Variants in ZNF600 observed in about 807,000 individuals in gnomAD.
The protein encoded by ZNF600 is zinc finger protein KR-ZNF1.
Under a neutral mutation model 7.3 loss-of-function variants are expected in ZNF600, and 4 were observed. The observed-to-expected ratio is 0.55, with a 90% CI of 0.27 to 1.25. The LOEUF (loss-of-function observed/expected upper bound fraction) is 1.25, where lower values mean the gene tolerates loss of function less well. ZNF600 is among the 50% of genes most tolerant of loss of function. The pLI is 0.12. For missense variants in ZNF600, 911 were observed against 922.1 expected, an observed-to-expected ratio of 0.99 and a Z score of 0.16; for synonymous variants, 290 against 308.9, an observed-to-expected ratio of 0.94 and a Z score of 0.64.
chr19:52,814,625 G>A, the ZNF600 span, among the ~76,000 whole-genome samples: 1 of 144,814 alleles, frequency 6.9e-6, no homozygotes, highest in Non-Finnish European at 1.5e-5. Flanking sequence ...GGTGGCTCAC[G>A]CCTGTGATTT....
upstream of ZNF600, among the ~76,000 whole-genome samples, chr19:52,788,044 T>C (rs10405790): frequency 3.9e-3 from 587 of 152,138 alleles, 4 homozygotes; most frequent in African/African-American, 0.013. Flanking sequence ...CCCTGAACAA[T>C]CCCTGCTGCC....
intron 1 of ZNF600, chr19:52,781,398 G>A (rs2062720248): frequency 6.6e-6 from 1 of 152,104 alleles, no homozygotes; most frequent in African/African-American, 2.4e-5. Flanking sequence ...GAGGTGAGGA[G>A]GAAGGACGTG....
the ZNF600 span, among the ~76,000 whole-genome samples, chr19:52,828,078 G>A: frequency 6.6e-6 from 1 of 151,916 alleles, no homozygotes; most frequent in African/African-American, 2.4e-5. Flanking sequence ...TTGAGACAAA[G>A]TCTTGCTCTG....
At chr19:52,822,370 CCCAGGAAATACTCTTTA>C in the ZNF600 span, among the ~76,000 whole-genome samples, 1 of 151,992 alleles carries the variant, frequency 6.6e-6, no homozygotes, top group Non-Finnish European at 1.5e-5. Context: ...CTGTGCCTGG[CCCAGGAAATACTCTTTA>C]CTTTGCTTTT....
At chr19:52,816,492 G>A in the ZNF600 span, among the ~76,000 whole-genome samples, 8 of 145,164 alleles carry the variant, frequency 5.5e-5, no homozygotes, top group East Asian at 1.4e-3. Flanking sequence ...GTGAAACCCC[G>A]TCTCTACTAA....
At chr19:52,767,975 T>C (rs1322701876) in intron 3 of ZNF600, among the ~76,000 whole-genome samples, 1 of 152,146 alleles carries the variant, frequency 6.6e-6, no homozygotes, top group African/African-American at 2.4e-5. Context: ...TGAAAGTCTA[T>C]TTCCTATGTC....
intron 1 of ZNF600, among the ~76,000 whole-genome samples, chr19:52,779,280 T>C (rs2062701648): frequency 6.6e-6 from 1 of 152,332 alleles, no homozygotes; most frequent in African/African-American, 2.4e-5. Flanking sequence ...AGATGCTCAA[T>C]GCTGCACACA....
exon 4 of ZNF600, chr19:52,767,093 A>T (rs769076855): frequency 5.0e-6 from 8 of 1,614,122 alleles, no homozygotes; most frequent in African/African-American, 2.7e-5. Flanking sequence ...TTCCACACTC[A>T]TTACACTTGT....
chr19:52,817,829 G>A, the ZNF600 span: 1 of 1,566,928 alleles, frequency 6.4e-7, no homozygotes, highest in Non-Finnish European at 8.7e-7. Flanking sequence ...GCATGGGTGA[G>A]GGTGAGCAAA....
At chr19:52,789,678 G>A (rs2062786517), upstream of ZNF600, among the ~76,000 whole-genome samples, 1 of 152,162 alleles carries the variant, frequency 6.6e-6, no homozygotes, top group African/African-American at 2.4e-5. Flanking sequence ...CTTGAGGCCA[G>A]GAGATCAAGG....
the ZNF600 span, among the ~76,000 whole-genome samples, chr19:52,808,527 C>T: frequency 2.6e-4 from 39 of 151,510 alleles, no homozygotes; most frequent in Admixed American, 1.6e-3. Context: ...ATCCCAGCTA[C>T]GCAGGAGGCT....
At chr19:52,785,350 A>G (rs1220159499) in intron 1 of ZNF600, among the ~76,000 whole-genome samples, 2 of 151,784 alleles carry the variant, frequency 1.3e-5, no homozygotes, top group Non-Finnish European at 1.5e-5. Context: ...CCCAGGTTCA[A>G]AGGTTTCTCC....
the ZNF600 span, chr19:52,817,796 G>A: frequency 1.7e-5 from 26 of 1,530,336 alleles, no homozygotes; most frequent in African/African-American, 1.5e-4. Context: ...GAATCTAAGC[G>A]AGATGAGATG....
chr19:52,801,573 T>C, the ZNF600 span: 4 of 1,614,214 alleles, frequency 2.5e-6, no homozygotes, highest in Non-Finnish European at 3.4e-6. Context: ...AATGTCTTTC[T>C]CAATTTTCTG....
At chr19:52,772,737 T>C (rs1169379936) in intron 3 of ZNF600, among the ~76,000 whole-genome samples, 1 of 152,200 alleles carries the variant, frequency 6.6e-6, no homozygotes, top group Admixed American at 6.5e-5. Context: ...GGGACAAGAC[T>C]TGATCCTGGG....
chr19:52,800,038 C>A, the ZNF600 span: 7 of 1,614,184 alleles, frequency 4.3e-6, no homozygotes, highest in South Asian at 7.7e-5. Flanking sequence ...GGTTTCTCTC[C>A]AGTATGAACT....
At chr19:52,832,324 G>A in the ZNF600 span, among the ~76,000 whole-genome samples, 1 of 152,094 alleles carries the variant, frequency 6.6e-6, no homozygotes, top group Admixed American at 6.6e-5. Context: ...GGCCGGGCAC[G>A]GTGGCTCAGG....
At chr19:52,775,307 T>C (rs1037234406) in intron 2 of ZNF600, among the ~76,000 whole-genome samples, 1 of 151,850 alleles carries the variant, frequency 6.6e-6, no homozygotes, top group African/African-American at 2.4e-5. Context: ...ATCCCAGCAC[T>C]TTGGGAGACC....
the ZNF600 span, chr19:52,801,466 C>G: frequency 6.2e-7 from 1 of 1,614,190 alleles, no homozygotes; most frequent in Admixed American, 1.7e-5. Context: ...TGCCTTTGAT[C>G]ATGTTGGCCT....
Sources: allele counts gnomAD v4.1 joint callset (sites outside exome capture counted in the v4.1 genomes callset), GRCh38; gene constraint gnomAD v4.1.1; transcripts MANE v1.5; gene names NCBI Gene and HGNC (gene_info 2026-07-23, HGNC 2026-07-21).